Variants in METTL21A observed in about 807,000 individuals in gnomAD.
METTL21A encodes the protein protein N-lysine methyltransferase METTL21A.
In METTL21A, 22 loss-of-function variants were observed where a neutral mutation model predicts 20.9. That is an observed-to-expected ratio of 1.05 (90% CI 0.75 to 1.50). The LOEUF is 1.50. Ranked by LOEUF, METTL21A falls within the 40% of genes most tolerant of loss-of-function variation. The pLI is 0.00. For synonymous variants in METTL21A, 93 were observed against 102.0 expected (o/e 0.91, Z 0.53); for missense variants, 271 against 266.8 (o/e 1.02, Z -0.11).
intron 3 of METTL21A, among the ~76,000 whole-genome samples, chr2:207,619,802 T>C (rs1370610321): frequency 6.6e-6 from 1 of 152,042 alleles, no homozygotes; most frequent in Admixed American, 6.6e-5. Context: ...TAATCAACAC[T>C]CGTGGAGCAC....
At chr2:207,622,395 T>G (rs547199604) in intron 2 of METTL21A, among the ~76,000 whole-genome samples, 126 of 152,240 alleles carry the variant, frequency 8.3e-4, no homozygotes, top group African/African-American at 2.8e-3. Context: ...GGTCTTGAAC[T>G]CCTGAGCTCC....
chr2:207,616,975 C>T (rs894102956), intron 3 of METTL21A, among the ~76,000 whole-genome samples: 3 of 152,150 alleles, frequency 2.0e-5, no homozygotes, highest in African/African-American at 7.2e-5. Flanking sequence ...GGCAGGGAGT[C>T]GGTGTCAACC....
downstream of METTL21A, among the ~76,000 whole-genome samples, chr2:207,607,014 C>T (rs1206334463): frequency 1.3e-5 from 2 of 152,114 alleles, no homozygotes; most frequent in African/African-American, 4.8e-5. Context: ...CATATGGTAA[C>T]TCATCTGTAA....
At chr2:207,604,090 T>C (rs780636232) in intron 3 of METTL21A, among the ~76,000 whole-genome samples, 3 of 152,184 alleles carry the variant, frequency 2.0e-5, no homozygotes, top group East Asian at 1.9e-4. Flanking sequence ...TGAGGGACAA[T>C]AGGCATGAAC....
At chr2:207,623,974 G>T (rs1289775969) in intron 2 of METTL21A, among the ~76,000 whole-genome samples, 1 of 152,108 alleles carries the variant, frequency 6.6e-6, no homozygotes, top group African/African-American at 2.4e-5. Context: ...CTATGTGGAG[G>T]GACAAGAGGA....
At chr2:207,622,087 A>G (rs1452878667) in intron 2 of METTL21A, among the ~76,000 whole-genome samples, 170 bp from the exon 3 acceptor site, 1 of 152,116 alleles carries the variant, frequency 6.6e-6, no homozygotes, top group Non-Finnish European at 1.5e-5. Context: ...CCTTAGAGCA[A>G]GCACAGGGTC....
chr2:207,591,079 T>TTAAATTATC (rs1291443736), intron 3 of METTL21A, among the ~76,000 whole-genome samples: 4 of 152,252 alleles, frequency 2.6e-5, no homozygotes, highest in Admixed American at 1.3e-4. Context: ...TTTTATTCTC[T>TTAAATTATC]TAAATTATCA....
At chr2:207,622,647 C>G (rs1211723133) in intron 2 of METTL21A, among the ~76,000 whole-genome samples, 1 of 152,248 alleles carries the variant, frequency 6.6e-6, no homozygotes, top group Non-Finnish European at 1.5e-5. Flanking sequence ...GCCCAAGGGT[C>G]TCTGAACTGC....
downstream of METTL21A, chr2:207,581,269 TAA>T (rs563162607): frequency 1.3e-4 from 26 of 198,416 alleles, no homozygotes; most frequent in East Asian, 2.0e-3. Context: ...ATGGATAGGG[TAA>T]AAAATTTGAA....
intron 2 of METTL21A, among the ~76,000 whole-genome samples, chr2:207,623,680 C>T (rs1178372903): frequency 6.6e-6 from 1 of 152,122 alleles, no homozygotes; most frequent in African/African-American, 2.4e-5. Flanking sequence ...GTCGAAACCC[C>T]ATCTCTACCA....
rs183242365 is a variant in METTL21A at position 207,617,050 on chromosome 2, G to C, written c.260-3607C>G. 1.8e-3 allele frequency among the ~76,000 whole-genome samples: 276 copies of C among 152,314 alleles called. 2 individuals carry two copies. The highest frequency in any genetic ancestry group is 0.016 in the Admixed American group (245 of 15,290). Reference sequence around the variant, plus strand: ...TATGCTGGGTAAGGAGGGTGAGACAGTATTTAGTTCAGAAAAGACTAGTGG... The same window carrying C: ...TATGCTGGGTAAGGAGGGTGAGACACTATTTAGTTCAGAAAAGACTAGTGG... On this transcript the variant is annotated intron_variant, in intron 3 of 3. Transcript: ENST00000406927.
At chr2:207,625,491 G>A (rs2091017783), upstream of METTL21A, 2 of 152,302 alleles carry the variant, frequency 1.3e-5, no homozygotes, top group South Asian at 4.1e-4. Context: ...TTGCGGGAGG[G>A]GGGACCGGGG....
chr2:207,618,700 TC>T (rs1346570935), intron 3 of METTL21A, among the ~76,000 whole-genome samples: 1 of 150,336 alleles, frequency 6.7e-6, no homozygotes, highest in African/African-American at 2.4e-5. Context: ...AGAGTGAGAC[TC>T]CATCTCAAAA....
chr2:207,624,032 T>C (rs2090822743), intron 2 of METTL21A, among the ~76,000 whole-genome samples, 197 bp downstream of exon 2: 1 of 152,174 alleles, frequency 6.6e-6, no homozygotes, highest in African/African-American at 2.4e-5. Context: ...GTAAAACTTT[T>C]AAAATTGAAG....
At chr2:207,591,377 C>T (rs1218482227) in intron 3 of METTL21A, among the ~76,000 whole-genome samples, 1 of 152,162 alleles carries the variant, frequency 6.6e-6, no homozygotes, top group East Asian at 1.9e-4. Context: ...AATATTCCTT[C>T]TTCAGAAGAA....
chr2:207,596,070 G>C (rs1011925082), intron 3 of METTL21A, among the ~76,000 whole-genome samples: 2 of 152,116 alleles, frequency 1.3e-5, no homozygotes, highest in African/African-American at 2.4e-5. Context: ...ATGTCAGAGA[G>C]TGTTTTCTTC....
chr2:207,614,394 A>T (rs1047848064), intron 3 of METTL21A, among the ~76,000 whole-genome samples: 3 of 133,750 alleles, frequency 2.2e-5, no homozygotes, highest in Admixed American at 7.6e-5. Context: ...AAAAAAAAAA[A>T]TATCTGGGAG....
intron 2 of METTL21A, 141 bp from the exon 3 acceptor site, chr2:207,622,058 T>C: frequency 1.4e-6 from 1 of 703,414 alleles, no homozygotes; most frequent in East Asian, 2.7e-5. Context: ...ACTTAGCTGG[T>C]GCAGCAAGGT....
chr2:207,618,251 T>G (rs972422289), intron 3 of METTL21A, among the ~76,000 whole-genome samples: 33 of 152,188 alleles, frequency 2.2e-4, no homozygotes, highest in African/African-American at 7.2e-4. Flanking sequence ...GGTGTTTTTA[T>G]TCTATGGATA....
Sources: allele counts gnomAD v4.1 joint callset (sites outside exome capture counted in the v4.1 genomes callset), GRCh38; gene constraint gnomAD v4.1.1; transcripts MANE v1.5; gene names NCBI Gene and HGNC (gene_info 2026-07-23, HGNC 2026-07-21).